CDC42BPA: variants seen among roughly 807,000 people sequenced by gnomAD.
CDC42BPA encodes serine/threonine-protein kinase MRCK alpha.
A neutral mutation model predicts 223.5 loss-of-function variants in CDC42BPA; 80 were observed. The ratio of observed to expected loss-of-function variants is 0.36; its 90% CI spans 0.30 to 0.43. The LOEUF (loss-of-function observed/expected upper bound fraction) is 0.43, where lower values mean the gene tolerates loss of function less well. CDC42BPA is among the 20% of genes least tolerant of loss of function. The pLI is 1.00. For missense variants in CDC42BPA, 1,743 were observed against 2,099.9 expected (o/e 0.83, Z 3.32); for synonymous variants, 694 against 718.6 (o/e 0.97, Z 0.55).
chr1:227,074,159 G>A (rs1678990028), intron 18 of CDC42BPA, 100 bp downstream of exon 18: 1 of 1,331,600 alleles, frequency 7.5e-7, no homozygotes, highest in South Asian at 1.3e-5. Context: ...TAGGCTCAAA[G>A]TCTAAACAAA....
intron 2 of CDC42BPA, among the ~76,000 whole-genome samples, chr1:227,219,593 C>T (rs1675475137): frequency 6.6e-6 from 1 of 152,010 alleles, no homozygotes; most frequent in Non-Finnish European, 1.5e-5. Context: ...CGTTTATTTT[C>T]ATGTTTTTTT....
chr1:227,283,601 A>G (rs979559669), intron 1 of CDC42BPA, among the ~76,000 whole-genome samples: 1 of 152,188 alleles, frequency 6.6e-6, no homozygotes, highest in African/African-American at 2.4e-5. Flanking sequence ...AAATGGAGGA[A>G]AAAAACTCGA....
intron 21 of CDC42BPA, among the ~76,000 whole-genome samples, chr1:227,062,315 G>A (rs1165281389): frequency 6.6e-6 from 1 of 152,162 alleles, no homozygotes; most frequent in Non-Finnish European, 1.5e-5. Flanking sequence ...TGATTTTGCT[G>A]AACATACTCA....
At chr1:227,113,029 AATT>A (rs1687177521) in intron 12 of CDC42BPA, 116 bp from the exon 13 acceptor site, 1 of 900,288 alleles carries the variant, frequency 1.1e-6, no homozygotes, top group Admixed American at 2.4e-5. Flanking sequence ...CCTTAGGACA[AATT>A]AAAAGAAATA....
intron 1 of CDC42BPA, among the ~76,000 whole-genome samples, chr1:227,255,638 A>G (rs1330753887): frequency 1.3e-5 from 2 of 152,224 alleles, no homozygotes; most frequent in Non-Finnish European, 2.9e-5. Flanking sequence ...TGGGCAAAAC[A>G]GCAAGATCCT....
chr1:227,205,835 G>A (rs968117823), intron 3 of CDC42BPA, among the ~76,000 whole-genome samples: 1 of 152,120 alleles, frequency 6.6e-6, no homozygotes, highest in Non-Finnish European at 1.5e-5. Context: ...GATCACTTGA[G>A]CCTAGGAGTT....
chr1:227,272,855 AG>A lies in CDC42BPA; in HGVS notation c.179-18701del, dbSNP rs1281354785. Among the ~76,000 whole-genome samples the A allele has an allele frequency of 2.0e-5, 3 of 152,364 alleles. No homozygotes were observed. In the East Asian group the frequency reaches 5.8e-4, roughly 29 times the overall value. On this transcript the variant is annotated intron_variant, in intron 1 of 36. Transcript: ENST00000366766. ...AATTGAGAGATATGGTTTCAGAGTC[AG>A]AAAAAGTTGACTGCAAAACCTGGCT...
At chr1:227,040,450 A>G (rs1246287165) in intron 23 of CDC42BPA, among the ~76,000 whole-genome samples, 1 of 152,210 alleles carries the variant, frequency 6.6e-6, no homozygotes, top group Non-Finnish European at 1.5e-5. Flanking sequence ...AAGAAGTTAA[A>G]TGATAATTGC....
At position 227,162,900 on chromosome 1, in the gene CDC42BPA, A is replaced by G. The variant is rs1224653871; in HGVS notation, c.600-2264T>C. 9.4e-4 allele frequency among the ~76,000 whole-genome samples: 93 copies of G among 98,670 alleles called. 1 individual carries two copies. Among genetic ancestry groups the G allele is most frequent in the East Asian group, 2.9e-4 (1 of 3,508 alleles). The allele number at this position is 98,670 out of a possible 152,430, so 64.7% of individuals were successfully genotyped here. A position where few individuals can be genotyped will look rare whatever the true frequency, so the allele number is the denominator to read the frequency against. On this transcript the variant is annotated intron_variant, in intron 5 of 36. Transcript: ENST00000366766. ...TGTGTGTGTGTGTTTCCAAACATAT[A>G]TGTGTGTGTATATGTGTGTGTTTCC...
intron 1 of CDC42BPA, among the ~76,000 whole-genome samples, chr1:227,265,465 T>C (rs1191354755): frequency 6.6e-6 from 1 of 151,916 alleles, no homozygotes; most frequent in Non-Finnish European, 1.5e-5. Context: ...CCCAGCACTT[T>C]GGGAGGGAGG....
intron 1 of CDC42BPA, among the ~76,000 whole-genome samples, chr1:227,256,476 A>G (rs148524643): frequency 2.4e-3 from 362 of 152,284 alleles, no homozygotes; most frequent in African/African-American, 8.4e-3. Context: ...CCCAGAACTT[A>G]AAAGTAAAAT....
intron 34 of CDC42BPA, among the ~76,000 whole-genome samples, chr1:227,013,516 T>C (rs1665617246): frequency 1.3e-5 from 2 of 152,056 alleles, no homozygotes; most frequent in South Asian, 2.1e-4. Context: ...CATAGTCTTA[T>C]TGGATATGAA....
chr1:227,211,092 G>A (rs941644895), intron 3 of CDC42BPA, among the ~76,000 whole-genome samples: 3 of 151,956 alleles, frequency 2.0e-5, no homozygotes, highest in African/African-American at 4.8e-5. Flanking sequence ...ACTCAATCTC[G>A]GTATTTACTC....
rs1267291288 is a variant in CDC42BPA at position 226,994,795 on chromosome 1, T to A, written c.5133+28A>T. 6.3e-7 allele frequency: 1 copy of A among 1,581,770 alleles called. No individual in the cohort carries two copies. The highest frequency in any genetic ancestry group is 8.6e-7 in the Non-Finnish European group (1 of 1,162,492). The stretch of plus-strand genomic sequence containing the variant: ...AAGATGCCCTAGTCTTTCTGATACA[T>A]GACGTCTCCGGAACCCTGCCCACTC... On this transcript the variant is annotated intron_variant, in intron 36 of 36. Coordinates refer to ENST00000366766, the MANE Select transcript of CDC42BPA (RefSeq NM_001394014.1). The surrounding 1 kb of genome is among the most constrained non-coding windows in gnomAD (Gnocchi z 4.0).
chr1:227,121,031 G>C (rs1413113978), intron 11 of CDC42BPA, among the ~76,000 whole-genome samples: 1 of 152,196 alleles, frequency 6.6e-6, no homozygotes, highest in African/African-American at 2.4e-5. Context: ...GATCTGACAG[G>C]AGGTGGAGCT....
chr1:227,256,092 T>C (rs964245058), intron 1 of CDC42BPA, among the ~76,000 whole-genome samples: 1 of 152,066 alleles, frequency 6.6e-6, no homozygotes, highest in East Asian at 1.9e-4. Context: ...AATTCAAAAA[T>C]GGGCAAAAGT....
intron 4 of CDC42BPA, among the ~76,000 whole-genome samples, chr1:227,195,001 T>C (rs1255649801): frequency 1.3e-5 from 2 of 152,194 alleles, no homozygotes; most frequent in African/African-American, 2.4e-5. Flanking sequence ...TGAGTTGACA[T>C]TAAGATTTAA....
intron 34 of CDC42BPA, among the ~76,000 whole-genome samples, chr1:227,013,031 T>G (rs1665515681): frequency 6.6e-6 from 1 of 152,114 alleles, no homozygotes; most frequent in Non-Finnish European, 1.5e-5. Flanking sequence ...AAAATCTGGT[T>G]GTGAAGAAGA....
intron 16 of CDC42BPA, among the ~76,000 whole-genome samples, chr1:227,084,051 T>C (rs1038549970): frequency 2.0e-5 from 3 of 152,180 alleles, no homozygotes; most frequent in Admixed American, 2.0e-4. Flanking sequence ...CTTTAGGATC[T>C]TGGTCAGTAA....
Sources: allele counts gnomAD v4.1 joint callset (sites outside exome capture counted in the v4.1 genomes callset), GRCh38; gene constraint gnomAD v4.1.1; non-coding constraint Gnocchi (gnomAD v3.1); transcripts MANE v1.5; gene names NCBI Gene and HGNC (gene_info 2026-07-23, HGNC 2026-07-21).